Variants in SYNDIG1 observed in about 807,000 individuals in gnomAD.
The protein encoded by SYNDIG1 is synapse differentiation inducing 1.
Under a neutral mutation model 19.4 loss-of-function variants are expected in SYNDIG1, and 9 were observed. The observed-to-expected ratio is 0.46, with a 90% CI of 0.28 to 0.81. The LOEUF (loss-of-function observed/expected upper bound fraction) is 0.81, where lower values mean the gene tolerates loss of function less well. SYNDIG1 is among the 30% of genes least tolerant of loss of function. The probability of loss-of-function intolerance (pLI) is 0.12; values close to 1 mark genes in which losing one functional copy is unlikely to be tolerated. For synonymous variants in SYNDIG1, 141 were observed against 145.9 expected, an observed-to-expected ratio of 0.97 and a Z score of 0.24; for missense variants, 311 against 343.3, an observed-to-expected ratio of 0.91 and a Z score of 0.74.
chr20:24,529,532 G>C (rs942572155), intron 1 of SYNDIG1, among the ~76,000 whole-genome samples: 1 of 152,182 alleles, frequency 6.6e-6, no homozygotes, highest in Non-Finnish European at 1.5e-5. Flanking sequence ...ATGGTTGTGG[G>C]TGTAGTCCAA....
chr20:24,510,385 A>C (rs1193454405), intron 1 of SYNDIG1, among the ~76,000 whole-genome samples: 1 of 151,274 alleles, frequency 6.6e-6, no homozygotes, highest in African/African-American at 2.4e-5. Flanking sequence ...CCTGGCCAAT[A>C]TGGGGAAACC....
At chr20:24,527,411 A>G (rs1193317025) in intron 1 of SYNDIG1, among the ~76,000 whole-genome samples, 4 of 152,044 alleles carry the variant, frequency 2.6e-5, no homozygotes, top group Non-Finnish European at 5.9e-5. Flanking sequence ...TGTTTTATTT[A>G]TGTAAGTATT....
intron 1 of SYNDIG1, among the ~76,000 whole-genome samples, chr20:24,480,241 A>T (rs1568570502): frequency 6.6e-6 from 1 of 152,184 alleles, no homozygotes; most frequent in Non-Finnish European, 1.5e-5. Flanking sequence ...TCTACAAGTA[A>T]CTGTCAAGAA....
chr20:24,597,496 G>A (rs539890481), intron 3 of SYNDIG1, among the ~76,000 whole-genome samples: 1 of 152,210 alleles, frequency 6.6e-6, no homozygotes, highest in South Asian at 2.1e-4. Context: ...GACTCACTGG[G>A]TGAGTCTGTG....
rs79923428 is a variant in SYNDIG1, at chr20:24,657,879, G to C, written c.619-7467G>C. Among the ~76,000 whole-genome samples, 275 of 152,246 alleles carry C rather than the reference G, an allele frequency of 1.8e-3. 11 individuals are homozygous for C. In the East Asian group the frequency reaches 0.038, roughly 21 times the overall value. ...AATGTAATCCAGCCAGACAGGTATCGGTACTGGAAAGAAAATGAACCATAA... is the reference window on the plus strand; with the variant it reads ...AATGTAATCCAGCCAGACAGGTATCCGTACTGGAAAGAAAATGAACCATAA... On this transcript the variant is annotated intron_variant, in intron 3 of 3. Transcript: ENST00000376862.
chr20:24,507,568 C>G (rs1444835186), intron 1 of SYNDIG1, among the ~76,000 whole-genome samples: 3 of 152,178 alleles, frequency 2.0e-5, no homozygotes, highest in Non-Finnish European at 4.4e-5. Context: ...CGCCTGGAGC[C>G]GTGAATGTGG....
intron 2 of SYNDIG1, among the ~76,000 whole-genome samples, chr20:24,568,606 A>G (rs961371244): frequency 1.3e-5 from 2 of 152,226 alleles, no homozygotes; most frequent in African/African-American, 4.8e-5. Context: ...GGCCAAACCA[A>G]TGAGAGGTAT....
At chr20:24,577,403 C>T (rs1368120118) in intron 2 of SYNDIG1, among the ~76,000 whole-genome samples, 3 of 152,328 alleles carry the variant, frequency 2.0e-5, no homozygotes, top group African/African-American at 4.8e-5. Context: ...GGGCTTGCCC[C>T]GATGGTGCAG....
intron 1 of SYNDIG1, among the ~76,000 whole-genome samples, chr20:24,484,569 C>A (rs994442609): frequency 1.3e-5 from 2 of 152,100 alleles, no homozygotes; most frequent in South Asian, 4.2e-4. Flanking sequence ...GCAGAGACCC[C>A]ACGTTTCACT....
At chr20:24,527,316 A>T (rs570238105) in intron 1 of SYNDIG1, among the ~76,000 whole-genome samples, 1 of 152,044 alleles carries the variant, frequency 6.6e-6, no homozygotes, top group Non-Finnish European at 1.5e-5. Context: ...TTTTTACTCC[A>T]ACAAAAATAT....
intron 2 of SYNDIG1, among the ~76,000 whole-genome samples, chr20:24,561,358 T>G (rs1263754510): frequency 6.6e-6 from 1 of 152,176 alleles, no homozygotes; most frequent in Non-Finnish European, 1.5e-5. Context: ...TCCTCCAATT[T>G]GCCATTTGAC....
intron 3 of SYNDIG1, among the ~76,000 whole-genome samples, chr20:24,590,068 A>T (rs371848354): frequency 1.1e-4 from 17 of 152,128 alleles, no homozygotes; most frequent in African/African-American, 4.1e-4. Flanking sequence ...CGTTTTACTC[A>T]CTGGCTATTA....
At chr20:24,535,936 G>A (rs1021544438) in intron 1 of SYNDIG1, among the ~76,000 whole-genome samples, 1 of 152,180 alleles carries the variant, frequency 6.6e-6, no homozygotes, top group African/African-American at 2.4e-5. Flanking sequence ...CCTCATTGAT[G>A]GAGAGTTCAT....
intron 3 of SYNDIG1, among the ~76,000 whole-genome samples, chr20:24,643,693 A>G (rs2059400215): frequency 6.6e-6 from 1 of 152,158 alleles, no homozygotes; most frequent in Non-Finnish European, 1.5e-5. Flanking sequence ...TTCCTAATCA[A>G]TTTTTTAAAT....
chr20:24,621,443 G>A (rs1224215104), intron 3 of SYNDIG1, among the ~76,000 whole-genome samples: 2 of 152,158 alleles, frequency 1.3e-5, no homozygotes, highest in South Asian at 2.1e-4. Context: ...CAGATTTGCT[G>A]AAATACTGAA....
At chr20:24,636,482 A>G (rs2059317446) in intron 3 of SYNDIG1, among the ~76,000 whole-genome samples, 1 of 152,214 alleles carries the variant, frequency 6.6e-6, no homozygotes, top group African/African-American at 2.4e-5. Context: ...TCTGATTTAC[A>G]TAGGGCCCAA....
chr20:24,542,345 A>T (rs1233622773), intron 1 of SYNDIG1, among the ~76,000 whole-genome samples: 2 of 152,244 alleles, frequency 1.3e-5, no homozygotes, highest in South Asian at 4.1e-4. Context: ...GTGCAGACTC[A>T]TCAGCTGGGA....
chr20:24,655,550 A>G (rs1456147276), intron 3 of SYNDIG1, among the ~76,000 whole-genome samples: 1 of 152,202 alleles, frequency 6.6e-6, no homozygotes, highest in Admixed American at 6.5e-5. Flanking sequence ...AAAGTTCAAA[A>G]TGTGCCTTTG....
chr20:24,521,652 C>G (rs1467167071), intron 1 of SYNDIG1, among the ~76,000 whole-genome samples: 1 of 152,138 alleles, frequency 6.6e-6, no homozygotes, highest in Admixed American at 6.5e-5. Context: ...AATCCTAGCA[C>G]TTTGGGAGAC....
Sources: gnomAD v4.1 joint callset for allele counts (sites outside exome capture counted in the v4.1 genomes callset) on GRCh38, gnomAD v4.1.1 for gene constraint, MANE v1.5 for transcripts, NCBI Gene and HGNC (gene_info 2026-07-23, HGNC 2026-07-21) for gene names.